Variants in CYLD observed in about 807,000 individuals in gnomAD.
CYLD encodes the protein ubiquitin carboxyl-terminal hydrolase CYLD.
In CYLD, 26 loss-of-function variants were observed where a neutral mutation model predicts 104.5. The observed-to-expected ratio is 0.25, with a 90% CI of 0.18 to 0.35. The LOEUF (loss-of-function observed/expected upper bound fraction) is 0.35. Among genes scored for constraint, CYLD ranks in the 10% least tolerant of loss-of-function variants. The pLI, the probability that CYLD is intolerant of heterozygous loss-of-function variation, is 1.00. For synonymous variants in CYLD, 385 were observed against 399.9 expected, an observed-to-expected ratio of 0.96 and a Z score of 0.45; for missense variants, 703 against 1,136.1, an observed-to-expected ratio of 0.62 and a Z score of 5.48.
chr16:50,749,175 A>C (rs895040656), intron 2 of CYLD, among the ~76,000 whole-genome samples: 2 of 152,162 alleles, frequency 1.3e-5, no homozygotes, highest in Non-Finnish European at 2.9e-5. Flanking sequence ...GCAGTCCAGC[A>C]TGGGCAACAA....
In CYLD at chr16:50,797,538, C is replaced by T. The variant is rs1972150369; in HGVS notation, c.*1030C>T. 8.6e-6 allele frequency: 2 copies of T among 232,392 alleles called. No individual in the cohort carries two copies. The highest frequency in any genetic ancestry group is 1.2e-4 in the East Asian group (2 of 16,546). The allele number at this position is 232,392 out of a possible 1,614,324, so 14.4% of individuals were successfully genotyped here. On this transcript the variant is annotated 3_prime_UTR_variant, in exon 19 of 19. Transcript: ENST00000427738. ...GAAATGTTAGCAGCAGCTTCATCCT[C>T]CTTCTGATTAAAGTAAGTAGAAATG...
At chr16:50,769,339 A>G (rs1190847001) in intron 5 of CYLD, among the ~76,000 whole-genome samples, 1 of 152,170 alleles carries the variant, frequency 6.6e-6, no homozygotes, top group Non-Finnish European at 1.5e-5. Context: ...GTTCTTCCAT[A>G]TCTTTGCCAA....
intron 18 of CYLD, 123 bp from the exon 19 acceptor site, chr16:50,796,201 G>C: frequency 2.2e-6 from 2 of 898,580 alleles, no homozygotes; most frequent in Non-Finnish European, 3.4e-6. Context: ...CCAGAAATCA[G>C]AAGTAAAATA....
intron 8 of CYLD, among the ~76,000 whole-genome samples, chr16:50,778,479 G>A (rs1448437979): frequency 2.0e-5 from 3 of 152,222 alleles, no homozygotes; most frequent in Non-Finnish European, 4.4e-5. Flanking sequence ...TTGGTGGTGT[G>A]TGCAGTGAAG....
At position 50,777,819 on chromosome 16, in the gene CYLD, C is replaced by T; in HGVS notation, c.1022-6C>T. On this transcript the variant is annotated splice_polypyrimidine_tract_variant and splice_region_variant and intron_variant, in intron 7 of 18. Coordinates refer to ENST00000427738, the MANE Select transcript of CYLD (RefSeq NM_001378743.1). Reference sequence around the variant, plus strand: ...TTTTTAAATGAAACTTTTCTTGTTCCTATAGGATCTACCTCAGACCCTGGA... The same window carrying T: ...TTTTTAAATGAAACTTTTCTTGTTCTTATAGGATCTACCTCAGACCCTGGA... 6.8e-7 allele frequency: 1 copy of T among 1,468,806 alleles called. No individual in the cohort carries two copies. The highest frequency in any genetic ancestry group is 9.5e-7 in the Non-Finnish European group (1 of 1,049,460). The allele number at this position is 1,468,806 out of a possible 1,614,324, so 91.0% of individuals were successfully genotyped here.
chr16:50,795,417 A>G (rs964122280), intron 18 of CYLD: 11 of 614,982 alleles, frequency 1.8e-5, no homozygotes, highest in African/African-American at 3.7e-5. Flanking sequence ...AGTGGGTTGT[A>G]GGTAAGAAAT....
chr16:50,788,849 C>T (rs980204602), intron 14 of CYLD, among the ~76,000 whole-genome samples: 1 of 151,804 alleles, frequency 6.6e-6, no homozygotes, highest in African/African-American at 2.4e-5. Flanking sequence ...GTATAAAATA[C>T]CAAGAAATCA....
chr16:50,776,746 CT>C (rs1369381274), intron 7 of CYLD, among the ~76,000 whole-genome samples: 1 of 152,022 alleles, frequency 6.6e-6, no homozygotes. Flanking sequence ...GCTTACAGCT[CT>C]TTTTTTTGTT....
chr16:50,744,015 A>G (rs766777119), intron 2 of CYLD, among the ~76,000 whole-genome samples: 11 of 151,946 alleles, frequency 7.2e-5, no homozygotes, highest in Non-Finnish European at 1.6e-4. Flanking sequence ...TCTTTCATTC[A>G]TTTCTCTGTA....
intron 12 of CYLD, 31 bp from the exon 13 acceptor site, chr16:50,786,824 A>C: frequency 7.2e-7 from 1 of 1,387,122 alleles, no homozygotes; most frequent in Non-Finnish European, 1.0e-6. Flanking sequence ...AATACATGCC[A>C]ATATCAATTA....
chr16:50,754,276 AT>A (rs1258649069), intron 4 of CYLD, 42 bp from the exon 5 acceptor site: 9 of 1,279,944 alleles, frequency 7.0e-6, no homozygotes, highest in Non-Finnish European at 1.0e-5. Context: ...CCACATTTAC[AT>A]TTCATTGAGG....
At chr16:50,769,899 G>A (rs1968958683) in intron 5 of CYLD, among the ~76,000 whole-genome samples, 1 of 152,180 alleles carries the variant, frequency 6.6e-6, no homozygotes, top group Non-Finnish European at 1.5e-5. Context: ...GAGTTGTACA[G>A]TATGTAACCT....
Position 50,754,875 on chromosome 16 carries a change from GTATA to G in CYLD, c.913+460_913+463del, listed in dbSNP as rs144931752. On this transcript the variant is annotated intron_variant, in intron 5 of 18. Coordinates refer to ENST00000427738, the MANE Select transcript of CYLD (RefSeq NM_001378743.1). The stretch of plus-strand genomic sequence containing the variant: ...TGTATATATATACACACACACATAT[GTATA>G]TATATATACGCATATATACATATAC... 2.9e-3 allele frequency among the ~76,000 whole-genome samples: 430 copies of G among 147,262 alleles called. 4 individuals carry two copies. The highest frequency in any genetic ancestry group is 0.01 in the African/African-American group (403 of 39,458).
rs371843225 is a variant in CYLD, at chr16:50,780,137, A to G, written c.1518+93A>G. The G allele has an allele frequency of 9.7e-6, 14 of 1,447,124 alleles. No individual in the cohort carries two copies. The East Asian group carries it at 2.3e-4, about 23-fold the overall frequency. 89.6% of individuals were successfully genotyped at this position (1,447,124 alleles called of 1,614,324 possible). ...TATATGCTTTTTGACAAACTGTTAT[A>G]TTTGTCAGAAAAGCTATCACTGCAG... On this transcript the variant is annotated intron_variant, in intron 9 of 18. Coordinates refer to ENST00000427738, the MANE Select transcript of CYLD (RefSeq NM_001378743.1).
chr16:50,787,771 T>A lies in CYLD; in HGVS notation c.2042-15T>A. 2 of 1,476,754 alleles carry A rather than the reference T, an allele frequency of 1.4e-6. No homozygotes were observed. The highest frequency in any genetic ancestry group is 1.9e-6 in the Non-Finnish European group (2 of 1,065,454). 91.5% of individuals were successfully genotyped at this position (1,476,754 alleles called of 1,614,324 possible). On this transcript the variant is annotated splice_polypyrimidine_tract_variant and intron_variant, in intron 13 of 18. Transcript: ENST00000427738. ...TTTTGCCTGTGACTTATTTGATTTTTAAATTTTCTCCTAGATCCTGAGGAA... is the reference window on the plus strand; with the variant it reads ...TTTTGCCTGTGACTTATTTGATTTTAAAATTTTCTCCTAGATCCTGAGGAA...
At chr16:50,759,398 A>T (rs1967655160) in intron 5 of CYLD, among the ~76,000 whole-genome samples, 1 of 152,240 alleles carries the variant, frequency 6.6e-6, no homozygotes, top group African/African-American at 2.4e-5. Flanking sequence ...TGTTTTCATT[A>T]TAATTGCAAT....
intron 8 of CYLD, among the ~76,000 whole-genome samples, chr16:50,779,414 C>T (rs182125716): frequency 1.7e-4 from 26 of 152,182 alleles, no homozygotes; most frequent in Admixed American, 1.2e-3. Context: ...ATCACGTATA[C>T]GATACCCGCT....
At position 50,796,542 on chromosome 16, in the gene CYLD, G is replaced by T. The variant is rs376027595; in HGVS notation, c.*34G>T. ...ATCGGGAAAGGCAAAGAAACTGAAG[G>T]CAGAGTCCTAACGTTGCATCTTATT... On this transcript the variant is annotated 3_prime_UTR_variant, in exon 19 of 19. Transcript: ENST00000427738. The T allele has an allele frequency of 2.6e-5, 41 of 1,603,094 alleles. No homozygotes were observed. Among genetic ancestry groups the T allele is most frequent in the Non-Finnish European group, 3.5e-5 (41 of 1,174,822 alleles).
At chr16:50,742,203 C>T (rs1965720921) in intron 1 of CYLD, 79 bp downstream of exon 1, 1 of 151,760 alleles carries the variant, frequency 6.6e-6, no homozygotes, top group Non-Finnish European at 1.5e-5. Flanking sequence ...AGGGGCGACG[C>T]CCCGCCGCCC....
Sources: allele counts gnomAD v4.1 joint callset (sites outside exome capture counted in the v4.1 genomes callset), GRCh38; gene constraint gnomAD v4.1.1; transcripts MANE v1.5; gene names NCBI Gene and HGNC (gene_info 2026-07-23, HGNC 2026-07-21).